The following CTNNBL1 variants were observed in gnomAD, a reference collection of about 807,000 sequenced individuals.
The protein encoded by CTNNBL1 is catenin beta like 1, also known as beta-catenin-like protein 1.
In CTNNBL1, 31 loss-of-function variants were observed where a neutral mutation model predicts 72.7. That is an observed-to-expected ratio of 0.43 (90% CI 0.32 to 0.58). The LOEUF (loss-of-function observed/expected upper bound fraction) is 0.58, where lower values mean the gene tolerates loss of function less well. Among genes scored for constraint, CTNNBL1 ranks in the 20% least tolerant of loss-of-function variants. CTNNBL1 has a pLI of 0.08. For missense variants in CTNNBL1, 534 were observed against 725.1 expected (o/e 0.74, Z 3.03); for synonymous variants, 240 against 267.3 (o/e 0.90, Z 1.00).
chr20:37,712,607 T>C (rs1263427842), intron 1 of CTNNBL1, among the ~76,000 whole-genome samples: 2 of 152,244 alleles, frequency 1.3e-5, no homozygotes, highest in Non-Finnish European at 2.9e-5. Context: ...AATGGCTACT[T>C]TTTGTGTTCA....
intron 13 of CTNNBL1, among the ~76,000 whole-genome samples, chr20:37,853,351 T>C (rs2122844290): frequency 6.6e-6 from 1 of 152,348 alleles, no homozygotes; most frequent in Non-Finnish European, 1.5e-5. Flanking sequence ...CCAGGACCTT[T>C]GATGAGGGAA....
intron 1 of CTNNBL1, among the ~76,000 whole-genome samples, chr20:37,714,473 G>T (rs1196291313): frequency 2.0e-5 from 3 of 152,218 alleles, no homozygotes; most frequent in Non-Finnish European, 4.4e-5. Context: ...CCTAGTCATA[G>T]ATAACTTGGA....
intron 13 of CTNNBL1, among the ~76,000 whole-genome samples, chr20:37,849,137 T>G (rs2072372635): frequency 6.6e-6 from 1 of 152,164 alleles, no homozygotes; most frequent in South Asian, 2.1e-4. Flanking sequence ...CTACCAACAC[T>G]TACATTCAGG....
chr20:37,708,250 G>T, intron 1 of CTNNBL1, among the ~76,000 whole-genome samples: 1 of 151,946 alleles, frequency 6.6e-6, no homozygotes, highest in Non-Finnish European at 1.5e-5. Context: ...ACAGCAGCAG[G>T]ATCATGGTTC....
At chr20:37,761,406 A>G (rs2073416546) in intron 5 of CTNNBL1, among the ~76,000 whole-genome samples, 1 of 152,220 alleles carries the variant, frequency 6.6e-6, no homozygotes, top group Non-Finnish European at 1.5e-5. Flanking sequence ...TTGGTTGGCA[A>G]TGGATTTGTG....
At chr20:37,856,200 C>CA (rs72145244) in intron 13 of CTNNBL1, among the ~76,000 whole-genome samples, 61,563 of 138,856 alleles carry the variant, frequency 0.44, 13,848 homozygotes, top group Middle Eastern at 0.49. Flanking sequence ...AACTCCTTCT[C>CA]AAAAAAAAAA....
chr20:37,695,944 A>G (rs2072787194), intron 1 of CTNNBL1, among the ~76,000 whole-genome samples: 1 of 152,256 alleles, frequency 6.6e-6, no homozygotes, highest in Non-Finnish European at 1.5e-5. Context: ...ACAGTTCAGC[A>G]ATGGGGAGCT....
At position 37,757,771 on chromosome 20, in the gene CTNNBL1, G is replaced by A. The variant is rs528039939; in HGVS notation, c.564+115G>A. ...AACTCCACGGCAAGGCTGGAGTGTG[G>A]TGAGGCTGGAGTGAATAAGGAGAGT... is the stretch of plus-strand genomic sequence containing the variant. On this transcript the variant is annotated intron_variant, in intron 5 of 15. Transcript: ENST00000361383. 117 of 712,488 alleles carry A rather than the reference G, an allele frequency of 1.6e-4. 4 individuals carry two copies. In the South Asian group the frequency reaches 1.9e-3, roughly 12 times the overall value. The allele number at this position is 712,488 out of a possible 1,614,324, so 44.1% of individuals were successfully genotyped here.
Position 37,777,637 on chromosome 20 carries a change from A to AT in CTNNBL1, c.824-10dup, listed in dbSNP as rs775315364. On this transcript the variant is annotated splice_polypyrimidine_tract_variant and intron_variant, in intron 8 of 15. Transcript: ENST00000361383. ...TTAGGTTCATTTTTTTTCTTCCTCT[A>AT]TTTTTTTCCCCTTTAGAAAACAGGG... The AT allele has an allele frequency of 5.0e-6, 8 of 1,611,868 alleles. 1 individual carries two copies. In the South Asian group the frequency reaches 7.7e-5, roughly 16 times the overall value.
chr20:37,870,089 A>G (rs1568820815), intron 15 of CTNNBL1, among the ~76,000 whole-genome samples: 1 of 151,642 alleles, frequency 6.6e-6, no homozygotes. Flanking sequence ...CGTCTTAAGG[A>G]TCACTGTGCT....
At chr20:37,831,654 C>G (rs1412662312) in intron 11 of CTNNBL1, among the ~76,000 whole-genome samples, 1 of 152,158 alleles carries the variant, frequency 6.6e-6, no homozygotes, top group African/African-American at 2.4e-5. Flanking sequence ...TCATGAATGA[C>G]CGCACCCAGC....
At chr20:37,707,360 A>G (rs2072895139) in intron 1 of CTNNBL1, among the ~76,000 whole-genome samples, 2 of 152,194 alleles carry the variant, frequency 1.3e-5, no homozygotes. Flanking sequence ...TTCATCAATG[A>G]TCTTAGCTAA....
At chr20:37,801,729 C>CA (rs2073825047) in intron 10 of CTNNBL1, among the ~76,000 whole-genome samples, 1 of 152,256 alleles carries the variant, frequency 6.6e-6, no homozygotes, top group Middle Eastern at 3.4e-3. Flanking sequence ...AGAGCTTCTA[C>CA]AAAAAACCCA....
At chr20:37,763,053 G>A (rs1301107832) in intron 5 of CTNNBL1, among the ~76,000 whole-genome samples, 4 of 152,178 alleles carry the variant, frequency 2.6e-5, no homozygotes, top group East Asian at 1.9e-4. Context: ...CAGGTAAAGC[G>A]GCAATAAGCA....
At chr20:37,808,141 G>T (rs142048072) in intron 11 of CTNNBL1, among the ~76,000 whole-genome samples, 1 of 152,136 alleles carries the variant, frequency 6.6e-6, no homozygotes, top group Non-Finnish European at 1.5e-5. Flanking sequence ...GTATATACAC[G>T]CATTTTTACC....
At chr20:37,857,231 G>T (rs2072450715) in intron 13 of CTNNBL1, among the ~76,000 whole-genome samples, 1 of 152,210 alleles carries the variant, frequency 6.6e-6, no homozygotes, top group Non-Finnish European at 1.5e-5. Context: ...CATGAGTCCA[G>T]TGCTCCATGA....
chr20:37,742,787 A>G (rs1367416545), intron 3 of CTNNBL1, among the ~76,000 whole-genome samples: 2 of 152,192 alleles, frequency 1.3e-5, no homozygotes, highest in Admixed American at 1.3e-4. Context: ...CCAGGTGACT[A>G]ACAATCGTTC....
At chr20:37,843,941 GA>G (rs1379646121) in intron 13 of CTNNBL1, among the ~76,000 whole-genome samples, 2 of 152,320 alleles carry the variant, frequency 1.3e-5, no homozygotes, top group Non-Finnish European at 1.5e-5. Context: ...CTGCACTTTA[GA>G]TATTAGCATG....
chr20:37,719,194 T>C (rs1264116992), intron 1 of CTNNBL1, among the ~76,000 whole-genome samples: 8 of 152,178 alleles, frequency 5.3e-5, no homozygotes, highest in African/African-American at 1.9e-4. Context: ...TTTACCCTAA[T>C]GGCCCAAGGA....
Sources: allele counts gnomAD v4.1 joint callset (sites outside exome capture counted in the v4.1 genomes callset), GRCh38; gene constraint gnomAD v4.1.1; transcripts MANE v1.5; gene names NCBI Gene and HGNC (gene_info 2026-07-23, HGNC 2026-07-21).